PRKAG2: variants seen among roughly 807,000 people sequenced by gnomAD.
PRKAG2 encodes protein kinase AMP-activated non-catalytic subunit gamma 2, also known as 5'-AMP-activated protein kinase subunit gamma-2.
In PRKAG2, 26 loss-of-function variants were observed where a neutral mutation model predicts 69.6. The ratio of observed to expected loss-of-function variants is 0.37; its 90% confidence interval spans 0.27 to 0.52. The LOEUF (loss-of-function observed/expected upper bound fraction) is 0.52, where lower values mean the gene tolerates loss of function less well. PRKAG2 is among the 20% of genes least tolerant of loss of function. PRKAG2 has a pLI of 0.90. For synonymous variants in PRKAG2, 293 were observed against 285.0 expected (o/e 1.03, Z -0.28); for missense variants, 557 against 740.0 (o/e 0.75, Z 2.87).
intron 4 of PRKAG2, among the ~76,000 whole-genome samples, chr7:151,645,808 C>T (rs1827463868): frequency 6.6e-6 from 1 of 152,174 alleles, no homozygotes; most frequent in Non-Finnish European, 1.5e-5. Context: ...TGAGGATTGT[C>T]TTAAATGTTT....
At chr7:151,673,502 C>T (rs1169435992) in intron 4 of PRKAG2, among the ~76,000 whole-genome samples, 3 of 152,116 alleles carry the variant, frequency 2.0e-5, no homozygotes, top group Non-Finnish European at 2.9e-5. Flanking sequence ...AGCTGTTTTG[C>T]CCCAGTACTG....
chr7:151,649,304 T>C (rs10952315), intron 4 of PRKAG2, among the ~76,000 whole-genome samples: 51,488 of 151,888 alleles, frequency 0.34, 9,326 homozygotes, highest in Middle Eastern at 0.41. Flanking sequence ...TTGTGTATGT[T>C]TAGCAGAGAT....
intron 3 of PRKAG2, among the ~76,000 whole-genome samples, chr7:151,759,780 C>G (rs1051952357): frequency 6.6e-6 from 1 of 152,206 alleles, no homozygotes; most frequent in African/African-American, 2.4e-5. Context: ...CTCCGCCTGG[C>G]CAGCTGTTCT....
At chr7:151,659,792 G>T (rs2254644) in intron 4 of PRKAG2, among the ~76,000 whole-genome samples, 89,148 of 152,138 alleles carry the variant, frequency 0.59, 26,243 homozygotes, top group South Asian at 0.63. Flanking sequence ...TTTCAGCATG[G>T]AGGGCTATAG....
At chr7:151,798,397 C>G (rs532580855) in intron 1 of PRKAG2, among the ~76,000 whole-genome samples, 1 of 152,122 alleles carries the variant, frequency 6.6e-6, no homozygotes, top group Non-Finnish European at 1.5e-5. Flanking sequence ...TCACTTCAAC[C>G]TCCGCCTCCC....
Position 151,632,446 on chromosome 7 carries a change from G to T in PRKAG2, c.685-308C>A. The T allele has an allele frequency of 3.3e-6, 2 of 598,006 alleles. No individual in the cohort carries two copies. Among genetic ancestry groups the T allele is most frequent in the Non-Finnish European group, 4.2e-6 (2 of 476,922 alleles). The allele number at this position is 598,006 out of a possible 1,614,324, so 37.0% of individuals were successfully genotyped here. ...AGGAAGCGTGGGAAGGGACCCGGGA[G>T]CTCGAGGGCGGCAGCGCCTGGGCCC... On this transcript the variant is annotated intron_variant, in intron 4 of 15. Transcript: ENST00000287878. This position sits in a 1 kb window ranked among gnomAD's most constrained non-coding sequence, Gnocchi z 4.2.
chr7:151,721,310 G>A (rs1041979794), intron 3 of PRKAG2, among the ~76,000 whole-genome samples: 3 of 152,092 alleles, frequency 2.0e-5, no homozygotes, highest in African/African-American at 7.2e-5. Context: ...CCATCTCCTC[G>A]GTCACTCTGG....
Position 151,825,111 on chromosome 7 carries a change from G to A in PRKAG2, c.115-38570C>T, listed in dbSNP as rs1485757112. Reference sequence around the variant, plus strand: ...CGCGTGTAATCTCAGCTACTCAGGAGGCTGAGGCAGGAGAATGGCTTGAAC... The same window carrying A: ...CGCGTGTAATCTCAGCTACTCAGGAAGCTGAGGCAGGAGAATGGCTTGAAC... On this transcript the variant is annotated intron_variant, in intron 1 of 15. Transcript: ENST00000287878. 2.6e-5 allele frequency among the ~76,000 whole-genome samples: 4 copies of A among 152,172 alleles called. No individual in the cohort carries two copies. The East Asian group carries it at 7.7e-4, about 29-fold the overall frequency.
At chr7:151,783,541 TTC>T (rs1563666612) in intron 2 of PRKAG2, among the ~76,000 whole-genome samples, 5 of 151,992 alleles carry the variant, frequency 3.3e-5, no homozygotes, top group African/African-American at 1.2e-4. Flanking sequence ...AGCATTTAGA[TTC>T]TCTGTTTATA....
At chr7:151,820,056 T>G (rs1881628) in intron 1 of PRKAG2, among the ~76,000 whole-genome samples, 109,117 of 152,144 alleles carry the variant, frequency 0.72, 40,229 homozygotes, top group Non-Finnish European at 0.81. Flanking sequence ...GGAAGAGATA[T>G]GCCTATCCAC....
At chr7:151,680,589 G>A (rs561264351) in intron 3 of PRKAG2, among the ~76,000 whole-genome samples, 2 of 152,234 alleles carry the variant, frequency 1.3e-5, no homozygotes, top group Non-Finnish European at 2.9e-5. Context: ...CTGGCAGGGA[G>A]GACTTTCATC....
chr7:151,594,442 C>T (rs1164604508), intron 6 of PRKAG2, among the ~76,000 whole-genome samples: 1 of 152,102 alleles, frequency 6.6e-6, no homozygotes, highest in East Asian at 1.9e-4. Flanking sequence ...TTATTTAGGA[C>T]TTTTTGTATG....
At chr7:151,808,085 G>A (rs929830246) in intron 1 of PRKAG2, among the ~76,000 whole-genome samples, 5 of 152,150 alleles carry the variant, frequency 3.3e-5, no homozygotes, top group Admixed American at 6.5e-5. Context: ...CACAGCGGGC[G>A]GGGCTCCCCA....
intron 1 of PRKAG2, among the ~76,000 whole-genome samples, chr7:151,838,793 C>T (rs1481169104): frequency 6.6e-6 from 1 of 151,268 alleles, no homozygotes; most frequent in African/African-American, 2.4e-5. Flanking sequence ...GACAGGCAGA[C>T]CCCTTGAGTT....
chr7:151,668,525 C>T lies in PRKAG2; in HGVS notation c.684+6895G>A, dbSNP rs527530373. On this transcript the variant is annotated intron_variant, in intron 4 of 15. Transcript: ENST00000287878. ...ACCCAGCTGCTGCAGAAGCTGCTAC[C>T]GATGGCTCACACCTGCAACCTTTTT... 2.2e-3 allele frequency among the ~76,000 whole-genome samples: 336 copies of T among 152,294 alleles called. 2 individuals are homozygous for T. Among genetic ancestry groups the T allele is most frequent in the African/African-American group, 7.7e-3 (322 of 41,556 alleles).
At chr7:151,637,594 T>C (rs1825945933) in intron 4 of PRKAG2, among the ~76,000 whole-genome samples, 1 of 152,212 alleles carries the variant, frequency 6.6e-6, no homozygotes, top group Non-Finnish European at 1.5e-5. Context: ...TGTTTTTATG[T>C]AATATGCTAG....
chr7:151,570,117 A>C lies in PRKAG2; in HGVS notation c.1106+54T>G, dbSNP rs74352565. The C allele has an allele frequency of 3.0e-5, 47 of 1,559,306 alleles. No homozygotes were observed. In the East Asian group the frequency reaches 9.7e-4, roughly 32 times the overall value. On this transcript the variant is annotated intron_variant, in intron 10 of 15. Coordinates refer to ENST00000287878, the MANE Select transcript of PRKAG2 (RefSeq NM_016203.4). ...TTGTGTCTTTCTTTCTATCATGGTG[A>C]TAAAACACATACATCTGAATGAATG...
chr7:151,798,697 T>C (rs1391745404), intron 1 of PRKAG2, among the ~76,000 whole-genome samples: 1 of 152,200 alleles, frequency 6.6e-6, no homozygotes, highest in Non-Finnish European at 1.5e-5. Flanking sequence ...ATCATGCAGG[T>C]AGATTTCAGG....
At chr7:151,862,481 C>T (rs763066015) in intron 1 of PRKAG2, among the ~76,000 whole-genome samples, 9 of 152,302 alleles carry the variant, frequency 5.9e-5, no homozygotes, top group African/African-American at 9.6e-5. Flanking sequence ...TTCTCAAAGA[C>T]GGCCCCCATT....
Sources: allele counts gnomAD v4.1 joint callset (sites outside exome capture counted in the v4.1 genomes callset), GRCh38; gene constraint gnomAD v4.1.1; non-coding constraint Gnocchi (gnomAD v3.1); transcripts MANE v1.5; gene names NCBI Gene and HGNC (gene_info 2026-07-23, HGNC 2026-07-21).